Variants in ELMO1 observed in about 807,000 individuals in gnomAD.
ELMO1 encodes the protein engulfment and cell motility protein 1.
Under a neutral mutation model 98.9 loss-of-function variants are expected in ELMO1, and 26 were observed. That is an observed-to-expected ratio of 0.26 (90% CI 0.19 to 0.36). ELMO1 has a LOEUF of 0.36. Ranked by LOEUF, ELMO1 falls within the 10% of genes least tolerant of loss-of-function variation. The pLI, the probability that ELMO1 is intolerant of heterozygous loss-of-function variation, is 1.00. For missense variants in ELMO1, 627 were observed against 935.2 expected, an observed-to-expected ratio of 0.67 and a Z score of 4.30; for synonymous variants, 346 against 346.0, an observed-to-expected ratio of 1.00 and a Z score of 0.00.
intron 16 of ELMO1, among the ~76,000 whole-genome samples, chr7:36,903,385 C>A (rs1783725461): frequency 6.6e-6 from 1 of 152,212 alleles, no homozygotes; most frequent in African/African-American, 2.4e-5. Flanking sequence ...AATGTAATGA[C>A]CTGTGCCCTC....
rs1359833358 is a variant in ELMO1 at position 37,222,627 on chromosome 7, A to G, written c.768T>C (p.Asp256=). Residue 256 remains aspartate, a synonymous_variant, in exon 10 of 22, where the codon GAT becomes GAC. Coordinates refer to ENST00000310758, the MANE Select transcript of ELMO1 (RefSeq NM_014800.11). ...AAATGCAACTTACCTGCCTCCTCTC[A>G]TCAGGAGCCTTCAGGAAAAGCGCAT... The part of the protein sequence containing the change: ...VINALFLKAP[D]ERRQEMANIL... 1 of 1,614,092 alleles carries G rather than the reference A, an allele frequency of 6.2e-7. No individual in the cohort carries two copies. Among genetic ancestry groups the G allele is most frequent in the Admixed American group, 1.7e-5 (1 of 60,030 alleles).
At chr7:37,067,312 T>G (rs2129220889) in intron 15 of ELMO1, among the ~76,000 whole-genome samples, 1 of 152,308 alleles carries the variant, frequency 6.6e-6, no homozygotes, top group South Asian at 2.1e-4. Context: ...TGGAAAAAAG[T>G]ATCCAGTCCA....
chr7:36,870,945 G>C lies in ELMO1; in HGVS notation c.1823-470C>G, dbSNP rs1036505889. 2.0e-5 allele frequency among the ~76,000 whole-genome samples: 3 copies of C among 152,210 alleles called. No individual in the cohort carries two copies. The highest frequency in any genetic ancestry group is 7.2e-5 in the African/African-American group (3 of 41,452). On this transcript the variant is annotated intron_variant, in intron 19 of 21. Coordinates refer to ENST00000310758, the MANE Select transcript of ELMO1 (RefSeq NM_014800.11). This position sits in a 1 kb window ranked among gnomAD's most constrained non-coding sequence, Gnocchi z 4.4. ...ATTTAGTTTCTGAGTTTTTGGATGA[G>C]AGAAAGCAGCCCTATCTCAAAAAAT...
At chr7:37,193,162 T>G (rs953420883) in intron 13 of ELMO1, among the ~76,000 whole-genome samples, 7 of 151,856 alleles carry the variant, frequency 4.6e-5, no homozygotes, top group Non-Finnish European at 8.8e-5. Flanking sequence ...TGGGTTTGTA[T>G]TACCTTGTAA....
At position 37,013,407 on chromosome 7, in the gene ELMO1, C is replaced by A; in HGVS notation, c.1329G>T (p.Pro443=). The change falls in exon 16 of 22, where the codon CCG becomes CCT. Residue 443 remains proline (P), a synonymous_variant. Coordinates refer to ENST00000310758, the MANE Select transcript of ELMO1 (RefSeq NM_014800.11). ...LPSETCNDFH[P]MFFTHDRSFE... Reference sequence around the variant, plus strand: ...AGGATCTGTCGTGGGTGAAGAACATCGGGTGGAAGTCGTTGCAGGTCTCAC... The same window carrying A: ...AGGATCTGTCGTGGGTGAAGAACATAGGGTGGAAGTCGTTGCAGGTCTCAC... 6.2e-7 allele frequency: 1 copy of A among 1,613,902 alleles called. No homozygotes were observed. Among genetic ancestry groups the A allele is most frequent in the South Asian group, 1.1e-5 (1 of 91,068 alleles).
intron 16 of ELMO1, among the ~76,000 whole-genome samples, chr7:37,002,736 G>A (rs1792768783): frequency 6.6e-6 from 1 of 152,202 alleles, no homozygotes; most frequent in South Asian, 2.1e-4. Context: ...GATGTGGAAT[G>A]CTGATGTGGC....
chr7:36,947,256 C>A (rs1787574640), intron 16 of ELMO1, among the ~76,000 whole-genome samples: 1 of 152,230 alleles, frequency 6.6e-6, no homozygotes, highest in Non-Finnish European at 1.5e-5. Flanking sequence ...CACTTTCTAG[C>A]TTTGAGCAGG....
intron 15 of ELMO1, among the ~76,000 whole-genome samples, chr7:37,041,922 G>A (rs903091613): frequency 1.3e-5 from 2 of 152,140 alleles, no homozygotes; most frequent in Non-Finnish European, 2.9e-5. Context: ...AAAGTAGAGA[G>A]ATTCATCATT....
At chr7:37,254,614 T>C (rs1365634590) in intron 6 of ELMO1, among the ~76,000 whole-genome samples, 1 of 152,134 alleles carries the variant, frequency 6.6e-6, no homozygotes, top group African/African-American at 2.4e-5. Context: ...CAATAGCAAA[T>C]ATTTGTGTAT....
intron 16 of ELMO1, among the ~76,000 whole-genome samples, chr7:36,958,197 C>T (rs1240242794): frequency 6.6e-6 from 1 of 152,122 alleles, no homozygotes; most frequent in African/African-American, 2.4e-5. Context: ...TGAATACATC[C>T]CCAGTACCTC....
Position 37,086,040 on chromosome 7 carries a change from C to G in ELMO1, c.1300+10579G>C, listed in dbSNP as rs191310332. ...TTGACCTGCTTTGGGAAGAATTAGGCGGCAGTGCGTCTCTCTCAGATCTCT... is the reference window on the plus strand; with the variant it reads ...TTGACCTGCTTTGGGAAGAATTAGGGGGCAGTGCGTCTCTCTCAGATCTCT... On this transcript the variant is annotated intron_variant, in intron 15 of 21. Coordinates refer to ENST00000310758, the MANE Select transcript of ELMO1 (RefSeq NM_014800.11). Among the ~76,000 whole-genome samples, 3 of 152,178 alleles carry G rather than the reference C, an allele frequency of 2.0e-5. No individual in the cohort carries two copies. The East Asian group carries it at 5.8e-4, about 29-fold the overall frequency.
At chr7:37,205,971 A>G (rs753341270) in intron 13 of ELMO1, among the ~76,000 whole-genome samples, 1 of 152,152 alleles carries the variant, frequency 6.6e-6, no homozygotes, top group Admixed American at 6.5e-5. Context: ...AACATTGGCC[A>G]TGATAAATGA....
In ELMO1 at chr7:36,878,007, T is replaced by TA; in HGVS notation, c.1822+2dup. On this transcript the variant is annotated splice_region_variant and intron_variant, in intron 19 of 21. Transcript: ENST00000310758. Reference sequence around the variant, plus strand: ...CAGGCCTCTGCCAAGGAGAGCTACTTACGTTTGTCCTGCAAGGAATCGTGG... The same window carrying TA: ...CAGGCCTCTGCCAAGGAGAGCTACTTAACGTTTGTCCTGCAAGGAATCGTGG... The TA allele has an allele frequency of 6.2e-7, 1 of 1,612,062 alleles. No homozygotes were observed. Among genetic ancestry groups the TA allele is most frequent in the Non-Finnish European group, 8.5e-7 (1 of 1,178,320 alleles).
chr7:37,246,930 T>C (rs1237436726), intron 6 of ELMO1, among the ~76,000 whole-genome samples: 1 of 152,132 alleles, frequency 6.6e-6, no homozygotes, highest in Non-Finnish European at 1.5e-5. Flanking sequence ...TTGACTTCCT[T>C]TCCACTGGTG....
chr7:37,377,228 G>C (rs1464887966), intron 1 of ELMO1, among the ~76,000 whole-genome samples: 2 of 152,038 alleles, frequency 1.3e-5, no homozygotes, highest in Admixed American at 1.3e-4. Flanking sequence ...TATTGCTTTT[G>C]CACCACTGAA....
chr7:36,917,980 C>T (rs565983650), intron 16 of ELMO1, among the ~76,000 whole-genome samples: 16 of 152,162 alleles, frequency 1.1e-4, no homozygotes, highest in African/African-American at 3.9e-4. Context: ...TCTATATAGT[C>T]TATATTACAG....
chr7:36,902,939 C>T (rs1783684780), intron 16 of ELMO1, among the ~76,000 whole-genome samples: 1 of 152,220 alleles, frequency 6.6e-6, no homozygotes, highest in Non-Finnish European at 1.5e-5. Context: ...AACCTTCTGA[C>T]TTCAACTGTG....
intron 1 of ELMO1, among the ~76,000 whole-genome samples, chr7:37,389,631 A>G (rs1802978330): frequency 6.6e-6 from 1 of 152,202 alleles, no homozygotes; most frequent in Non-Finnish European, 1.5e-5. Flanking sequence ...TGGAGCATGA[A>G]GAGGCAGGAA....
chr7:36,962,174 T>A (rs570813717), intron 16 of ELMO1, among the ~76,000 whole-genome samples: 3 of 152,294 alleles, frequency 2.0e-5, no homozygotes, highest in African/African-American at 7.2e-5. Context: ...GACCAGTATT[T>A]CCACAGTGCC....
Sources: gnomAD v4.1 joint callset for allele counts (sites outside exome capture counted in the v4.1 genomes callset) on GRCh38, gnomAD v4.1.1 for gene constraint, Gnocchi (gnomAD v3.1) non-coding constraint, MANE v1.5 for transcripts, NCBI Gene and HGNC (gene_info 2026-07-23, HGNC 2026-07-21) for gene names.